The following PDE4B variants were observed in gnomAD, a reference collection of about 807,000 sequenced individuals.
The protein encoded by PDE4B is 3',5'-cyclic-AMP phosphodiesterase 4B.
A neutral mutation model predicts 82.2 loss-of-function variants in PDE4B; 20 were observed. That is an observed-to-expected ratio of 0.24 (90% CI 0.17 to 0.35). The LOEUF (loss-of-function observed/expected upper bound fraction) is 0.35. Among genes scored for constraint, PDE4B ranks in the 10% least tolerant of loss-of-function variants. The pLI, the probability that PDE4B is intolerant of heterozygous loss-of-function variation, is 1.00. For synonymous variants in PDE4B, 320 were observed against 318.9 expected (o/e 1.00, Z -0.04); for missense variants, 655 against 907.2 (o/e 0.72, Z 3.57).
chr1:66,253,653 C>G (rs1216662238), intron 4 of PDE4B, among the ~76,000 whole-genome samples: 1 of 152,186 alleles, frequency 6.6e-6, no homozygotes, highest in Non-Finnish European at 1.5e-5. Context: ...TGATTCTTAA[C>G]TAGTGATTTA....
intron 3 of PDE4B, among the ~76,000 whole-genome samples, chr1:66,067,764 A>G (rs1408340382): frequency 3.9e-5 from 6 of 152,052 alleles, no homozygotes; most frequent in African/African-American, 1.4e-4. Flanking sequence ...GTCCTTGCCC[A>G]TGCCTATGTC....
chr1:66,350,999 A>G (rs569651760), intron 8 of PDE4B, among the ~76,000 whole-genome samples: 6 of 152,248 alleles, frequency 3.9e-5, no homozygotes, highest in Non-Finnish European at 8.8e-5. Context: ...AATTTTATAG[A>G]AAAGGTATAT....
At chr1:66,316,408 C>G (rs1291151594) in intron 7 of PDE4B, among the ~76,000 whole-genome samples, 2 of 152,150 alleles carry the variant, frequency 1.3e-5, no homozygotes, top group Non-Finnish European at 2.9e-5. Context: ...GAGAAAACAA[C>G]CTTTAAAAAT....
chr1:65,928,130 G>A (rs531290576), intron 3 of PDE4B, among the ~76,000 whole-genome samples: 1 of 151,552 alleles, frequency 6.6e-6, no homozygotes, highest in South Asian at 2.1e-4. Context: ...CTTGGGGAAG[G>A]ATGGGAGAAA....
chr1:66,358,447 G>A (rs1662447132), intron 9 of PDE4B, among the ~76,000 whole-genome samples: 1 of 152,256 alleles, frequency 6.6e-6, no homozygotes, highest in Non-Finnish European at 1.5e-5. Context: ...GGCCGAGATG[G>A]GCAGATCACC....
At chr1:65,857,028 A>G (rs1646401403) in intron 1 of PDE4B, among the ~76,000 whole-genome samples, 1 of 152,198 alleles carries the variant, frequency 6.6e-6, no homozygotes, top group Admixed American at 6.6e-5. Flanking sequence ...TGTCATCAAA[A>G]TAGCATCTTG....
intron 3 of PDE4B, among the ~76,000 whole-genome samples, chr1:66,215,199 G>GGT (rs1352679537): frequency 2.0e-5 from 3 of 152,054 alleles, no homozygotes; most frequent in African/African-American, 7.3e-5. Flanking sequence ...CAGGTCATAG[G>GGT]CAACAAGCCA....
intron 2 of PDE4B, among the ~76,000 whole-genome samples, chr1:65,914,550 G>A (rs552907037): frequency 1.5e-4 from 21 of 142,988 alleles, no homozygotes; most frequent in African/African-American, 4.2e-4. Flanking sequence ...CAGTACCAGC[G>A]TTGCTCAGGA....
intron 3 of PDE4B, among the ~76,000 whole-genome samples, chr1:66,140,484 A>G (rs906683681): frequency 4.6e-5 from 7 of 152,210 alleles, no homozygotes; most frequent in Admixed American, 4.6e-4. Context: ...TGTAAGAAAA[A>G]CTTGCAGAAT....
At chr1:66,135,916 A>T (rs1454403205) in intron 3 of PDE4B, among the ~76,000 whole-genome samples, 1 of 152,176 alleles carries the variant, frequency 6.6e-6, no homozygotes. Flanking sequence ...GGAATGAGGG[A>T]GGAAAAATTG....
intron 6 of PDE4B, among the ~76,000 whole-genome samples, chr1:66,258,404 G>A (rs868148853): frequency 4.6e-5 from 7 of 152,190 alleles, no homozygotes; most frequent in African/African-American, 7.2e-5. Context: ...CTTGATCTCC[G>A]TATCTATAAA....
chr1:65,925,795 A>C (rs1647464617), intron 3 of PDE4B, among the ~76,000 whole-genome samples: 1 of 152,216 alleles, frequency 6.6e-6, no homozygotes, highest in South Asian at 2.1e-4. Flanking sequence ...TGATTCTATC[A>C]GGTCTCTAGG....
intron 3 of PDE4B, among the ~76,000 whole-genome samples, chr1:66,151,963 A>T (rs1003700748): frequency 1.3e-5 from 2 of 152,232 alleles, no homozygotes; most frequent in African/African-American, 4.8e-5. Context: ...ATTGAAGTTA[A>T]CTCGACTGAA....
At chr1:66,088,140 C>G (rs1644934153) in intron 3 of PDE4B, among the ~76,000 whole-genome samples, 2 of 151,786 alleles carry the variant, frequency 1.3e-5, no homozygotes, top group Admixed American at 1.3e-4. Flanking sequence ...GTTAAATGAA[C>G]TTGGTGATTG....
intron 7 of PDE4B, among the ~76,000 whole-genome samples, chr1:66,271,214 A>G (rs1002736569): frequency 6.6e-6 from 1 of 152,236 alleles, no homozygotes; most frequent in Non-Finnish European, 1.5e-5. Flanking sequence ...CCTGCTTATT[A>G]TGGTTATTTC....
At chr1:66,303,281 TATAATGG>T (rs1294080736) in intron 7 of PDE4B, among the ~76,000 whole-genome samples, 4 of 151,882 alleles carry the variant, frequency 2.6e-5, no homozygotes, top group African/African-American at 9.7e-5. Context: ...TTTATTAAGG[TATAATGG>T]ACAAATAAAA....
chr1:66,238,533 G>A (rs2101651164), intron 3 of PDE4B, among the ~76,000 whole-genome samples: 1 of 152,304 alleles, frequency 6.6e-6, no homozygotes, highest in South Asian at 2.1e-4. Context: ...GGCTATTCCA[G>A]TTCAGATGAG....
intron 1 of PDE4B, among the ~76,000 whole-genome samples, chr1:65,831,504 G>A (rs1035801171): frequency 6.6e-6 from 1 of 152,106 alleles, no homozygotes; most frequent in Non-Finnish European, 1.5e-5. Flanking sequence ...CTAGTTCTAT[G>A]GCTATTAAGT....
chr1:65,817,649 A>G (rs1011878156), intron 1 of PDE4B, among the ~76,000 whole-genome samples: 5 of 152,218 alleles, frequency 3.3e-5, no homozygotes, highest in Admixed American at 6.5e-5. Context: ...TTTGTACATC[A>G]TGAATGAATG....
Sources: gnomAD v4.1 joint callset for allele counts (sites outside exome capture counted in the v4.1 genomes callset) on GRCh38, gnomAD v4.1.1 for gene constraint, MANE v1.5 for transcripts, NCBI Gene and HGNC (gene_info 2026-07-23, HGNC 2026-07-21) for gene names.